C18orf63: variants seen among roughly 807,000 people sequenced by gnomAD.
C18orf63 encodes uncharacterized protein C18orf63.
C18orf63 carries 50 observed loss-of-function variants against 75.3 expected under a neutral mutation model. That is an observed-to-expected ratio of 0.66 (90% CI 0.53 to 0.84). C18orf63 has a LOEUF of 0.84. Ranked by LOEUF, C18orf63 falls within the 40% of genes least tolerant of loss-of-function variation. C18orf63 has a pLI of 0.00. For synonymous variants in C18orf63, 232 were observed against 267.6 expected, an observed-to-expected ratio of 0.87 and a Z score of 1.30; for missense variants, 732 against 800.2, an observed-to-expected ratio of 0.91 and a Z score of 1.03.
chr18:74,334,623 C>G (rs977376645), intron 7 of C18orf63, among the ~76,000 whole-genome samples: 1 of 151,820 alleles, frequency 6.6e-6, no homozygotes, highest in Non-Finnish European at 1.5e-5. Context: ...TGGTTTTTTT[C>G]TTTCATAGTT....
In C18orf63 at chr18:74,357,473, T is replaced by C. The variant is rs1271351661; in HGVS notation, c.*1026T>C. On this transcript the variant is annotated 3_prime_UTR_variant, in exon 14 of 14. Transcript: ENST00000579455. ...TGAATATTATTCTGGCTTTCAAACA[T>C]TTTATATGTTTGATATACGAAATAT... is the stretch of plus-strand genomic sequence containing the variant. The C allele has an allele frequency of 6.6e-6, 1 of 152,224 alleles. No homozygotes were observed. The highest frequency in any genetic ancestry group is 1.9e-4 in the East Asian group (1 of 5,206). 9.4% of individuals were successfully genotyped at this position (152,224 alleles called of 1,614,324 possible).
chr18:74,323,825 T>C (rs1223420932), intron 4 of C18orf63, among the ~76,000 whole-genome samples: 1 of 152,188 alleles, frequency 6.6e-6, no homozygotes, highest in Non-Finnish European at 1.5e-5. Context: ...CTTCTCCCCT[T>C]GTCTGGGTGG....
chr18:74,353,872 T>G lies in C18orf63; in HGVS notation c.1605T>G (p.Ser535Arg). The G allele has an allele frequency of 6.5e-7, 1 of 1,535,962 alleles. No individual in the cohort carries two copies. Among genetic ancestry groups the G allele is most frequent in the East Asian group, 2.4e-5 (1 of 40,898 alleles). Residue 535 changes from serine to arginine, a missense_variant, in exon 12 of 14, where the codon AGT becomes AGG. This residue lies in a region of C18orf63 where 495 missense variants were observed against 508.7 expected (regional missense o/e 0.97). Coordinates refer to ENST00000579455, the MANE Select transcript of C18orf63 (RefSeq NM_001174123.2). ...FPSSRGKSTVSLNKNKQLSNS... is the reference protein window; with the variant it reads ...FPSSRGKSTVRLNKNKQLSNS... ...CTTCTCGTGGAAAATCGACTGTGAGTTTAAACAAAAATAAGCAACTATCTA... is the reference window on the plus strand; with the variant it reads ...CTTCTCGTGGAAAATCGACTGTGAGGTTAAACAAAAATAAGCAACTATCTA...
intron 11 of C18orf63, among the ~76,000 whole-genome samples, chr18:74,347,805 T>C (rs1422147030): frequency 6.6e-6 from 1 of 152,190 alleles, no homozygotes; most frequent in Admixed American, 6.5e-5. Flanking sequence ...TGTTTTAACA[T>C]ATAGAAAATG....
In C18orf63 at chr18:74,354,195, A is replaced by C; in HGVS notation, c.1928A>C (p.Glu643Ala). 2.6e-6 allele frequency: 4 copies of C among 1,536,284 alleles called. No homozygotes were observed. The highest frequency in any genetic ancestry group is 3.5e-6 in the Non-Finnish European group (4 of 1,146,910). The change falls in exon 12 of 14, where the codon GAG (glutamate) becomes GCG (alanine). Residue 643 changes from glutamate (E) to alanine (A), a missense_variant. Glu to Ala is a moderately radical substitution (Grantham distance 107, BLOSUM62 -1). Transcript: ENST00000579455. ...AGGTCTAAAAGAAAATTATGTCCAGAGTCTTCCAAAACTTCAAAGAAGCAT... is the reference window on the plus strand; with the variant it reads ...AGGTCTAAAAGAAAATTATGTCCAGCGTCTTCCAAAACTTCAAAGAAGCAT... ...AHRSKRKLCP[E>A]SSKTSKKHHS...
chr18:74,339,868 A>G (rs1010396270), intron 8 of C18orf63, among the ~76,000 whole-genome samples: 5 of 152,212 alleles, frequency 3.3e-5, no homozygotes, highest in South Asian at 2.1e-4. Context: ...AAAGAAATCA[A>G]TGAAAATAAT....
intron 8 of C18orf63, among the ~76,000 whole-genome samples, chr18:74,340,992 C>A (rs978812781): frequency 3.3e-5 from 5 of 152,060 alleles, no homozygotes. Context: ...GGGCCGGGCG[C>A]GGTGGCTCAC....
intron 2 of C18orf63, among the ~76,000 whole-genome samples, chr18:74,319,828 A>G (rs571186641): frequency 7.3e-5 from 11 of 150,968 alleles, no homozygotes; most frequent in South Asian, 6.3e-4. Flanking sequence ...CTTCAAGTAT[A>G]TAGGACAAAA....
At chr18:74,338,583 G>A (rs1984429475) in intron 7 of C18orf63, 132 bp from the exon 8 acceptor site, 1 of 410,904 alleles carries the variant, frequency 2.4e-6, no homozygotes, top group Non-Finnish European at 4.3e-6. Context: ...GGTTATGCAT[G>A]ATTCAATGTA....
chr18:74,338,480 G>A (rs1984427860), intron 7 of C18orf63, among the ~76,000 whole-genome samples: 1 of 152,024 alleles, frequency 6.6e-6, no homozygotes, highest in Admixed American at 6.5e-5. Context: ...TAGGAGTTTG[G>A]GCTTGGATGG....
At chr18:74,332,464 G>T (rs1984324379) in intron 7 of C18orf63, among the ~76,000 whole-genome samples, 1 of 152,146 alleles carries the variant, frequency 6.6e-6, no homozygotes, top group Admixed American at 6.5e-5. Context: ...CAGCACTTTG[G>T]GAGGCCGAAG....
At chr18:74,338,964 T>C (rs1263841115) in intron 8 of C18orf63, 140 bp downstream of exon 8, 1 of 396,128 alleles carries the variant, frequency 2.5e-6, no homozygotes, top group Admixed American at 4.4e-5. Flanking sequence ...TTCACAAAGG[T>C]ATTGAAACAA....
chr18:74,349,277 A>G (rs1030426708), intron 11 of C18orf63, among the ~76,000 whole-genome samples: 3 of 152,190 alleles, frequency 2.0e-5, no homozygotes, highest in African/African-American at 7.2e-5. Context: ...TAAGGTAGAA[A>G]TGTTCTTCAA....
chr18:74,323,737 C>T (rs1301890012), intron 4 of C18orf63, among the ~76,000 whole-genome samples: 2 of 152,144 alleles, frequency 1.3e-5, no homozygotes, highest in African/African-American at 2.4e-5. Context: ...TTTTGTTCAA[C>T]GTTGTTTCAA....
chr18:74,317,479 A>T (rs1984045293), intron 1 of C18orf63, among the ~76,000 whole-genome samples: 1 of 152,232 alleles, frequency 6.6e-6, no homozygotes, highest in Admixed American at 6.5e-5. Flanking sequence ...ATACATTTTG[A>T]CTTTTAAAAA....
Position 74,353,954 on chromosome 18 carries a change from G to A in C18orf63, c.1687G>A (p.Asp563Asn). 5.9e-6 allele frequency: 9 copies of A among 1,536,212 alleles called. No individual in the cohort carries two copies. The highest frequency in any genetic ancestry group is 7.8e-6 in the Non-Finnish European group (9 of 1,146,918). ...TTTAGGGGTGGTAAAAAGTGCTGTT[G>A]ACTTCCAAATGAAAGGAAAAGAAAA... ...NNLGVVKSAVDFQMKGKENLT... is the reference protein window; with the variant it reads ...NNLGVVKSAVNFQMKGKENLT... Residue 563 changes from aspartate to asparagine, a missense_variant, in exon 12 of 14, where the codon GAC (aspartate) becomes AAC (asparagine). Physicochemically the swap from Asp to Asn is conservative, Grantham distance 23. Around this residue, in one of 3 missense-constraint regions of C18orf63, gnomAD observed 495 missense variants for 508.7 expected, o/e 0.97. Coordinates refer to ENST00000579455, the MANE Select transcript of C18orf63 (RefSeq NM_001174123.2).
At chr18:74,327,600 G>A (rs967851057) in intron 4 of C18orf63, among the ~76,000 whole-genome samples, 6 of 152,152 alleles carry the variant, frequency 3.9e-5, no homozygotes, top group African/African-American at 1.4e-4. Flanking sequence ...TAATGAGAAC[G>A]ATTACAAGTT....
In C18orf63 at chr18:74,341,917, T is replaced by A. The variant is rs189426642; in HGVS notation, c.612-115T>A. ...AACTTGAGATGTTTAGTTTACTATA[T>A]ATAGCTAGTGAGATAGTTGTTGAAT... On this transcript the variant is annotated intron_variant, in intron 8 of 13. Transcript: ENST00000579455. The A allele has an allele frequency of 8.5e-5, 51 of 599,450 alleles. No homozygotes were observed. In the African/African-American group the frequency reaches 8.9e-4, roughly 10 times the overall value. 37.1% of individuals were successfully genotyped at this position (599,450 alleles called of 1,614,324 possible).
Position 74,330,851 on chromosome 18 carries a change from A to C in C18orf63, c.425-15A>C, listed in dbSNP as rs1243984890. 9.6e-7 allele frequency: 1 copy of C among 1,038,812 alleles called. No homozygotes were observed. The highest frequency in any genetic ancestry group is 1.6e-5 in the African/African-American group (1 of 61,016). The allele number at this position is 1,038,812 out of a possible 1,614,324, so 64.3% of individuals were successfully genotyped here. ...ATAATTCCAGGTAGTTCACAGTTAAATATTTTATTTTCAGTATTAAACATC... is the reference window on the plus strand; with the variant it reads ...ATAATTCCAGGTAGTTCACAGTTAACTATTTTATTTTCAGTATTAAACATC... On this transcript the variant is annotated splice_polypyrimidine_tract_variant and intron_variant, in intron 6 of 13. Coordinates refer to ENST00000579455, the MANE Select transcript of C18orf63 (RefSeq NM_001174123.2).
Sources: gnomAD v4.1 joint callset for allele counts (sites outside exome capture counted in the v4.1 genomes callset) on GRCh38, gnomAD v4.1.1 for gene constraint, gnomAD v4.1.1 regional missense constraint, MANE v1.5 for transcripts, NCBI Gene and HGNC (gene_info 2026-07-23, HGNC 2026-07-21) for gene names.